The following RREB1 variants were observed in gnomAD, a reference collection of about 807,000 sequenced individuals.
RREB1 encodes ras responsive element binding protein 1, also known as ras-responsive element-binding protein 1.
In RREB1, 27 loss-of-function variants were observed where a neutral mutation model predicts 117.8. The ratio of observed to expected loss-of-function variants is 0.23; its 90% CI spans 0.17 to 0.32. The LOEUF (loss-of-function observed/expected upper bound fraction) is 0.32. Ranked by LOEUF, RREB1 falls within the 10% of genes least tolerant of loss-of-function variation. The pLI, the probability that RREB1 is intolerant of heterozygous loss-of-function variation, is 1.00. For missense variants in RREB1, 2,577 were observed against 2,378.2 expected (o/e 1.08, Z -1.74); for synonymous variants, 1,298 against 1,026.7 (o/e 1.26, Z -5.05).
chr6:7,211,337 CAGATGGATGGATGGATGGAT>C (rs1766582097), intron 7 of RREB1, among the ~76,000 whole-genome samples: 1 of 54,696 alleles, frequency 1.8e-5, no homozygotes, highest in East Asian at 4.3e-4. Context: ...GATGGATGGA[CAGATGGATGGATGGATGGAT>C]GGATGGATGG....
rs1334205838 is a variant in RREB1 at position 7,229,875 on chromosome 6, G to A, written c.1776G>A (p.Met592Ile). The A allele has an allele frequency of 1.2e-6, 2 of 1,610,786 alleles. No individual in the cohort carries two copies. The highest frequency in any genetic ancestry group is 2.2e-5 in the East Asian group (1 of 44,800). ...PRAELPGQPEMKTQLEQDSII... is the reference protein window; with the variant it reads ...PRAELPGQPEIKTQLEQDSII... ...CGGAGCTGCCGGGCCAGCCTGAGAT[G>A]AAGACGCAGCTGGAGCAGGACAGCA... Residue 592 changes from methionine (M) to isoleucine (I), a missense_variant, in exon 10 of 13, where the codon ATG (methionine) becomes ATA (isoleucine). Coordinates refer to ENST00000379938, the MANE Select transcript of RREB1 (RefSeq NM_001003699.4). This position sits in a 1 kb window ranked among gnomAD's most constrained non-coding sequence, Gnocchi z 4.5.
chr6:7,138,580 T>C (rs373329066), intron 1 of RREB1, among the ~76,000 whole-genome samples: 6 of 152,356 alleles, frequency 3.9e-5, no homozygotes, highest in Middle Eastern at 6.8e-3. Context: ...AAAGCTCTTA[T>C]AGATTTATGT....
chr6:7,144,964 A>G (rs1247636576), intron 1 of RREB1, among the ~76,000 whole-genome samples: 1 of 152,226 alleles, frequency 6.6e-6, no homozygotes, highest in Non-Finnish European at 1.5e-5. Context: ...TTTTTATAAA[A>G]TTGCGACATA....
intron 1 of RREB1, among the ~76,000 whole-genome samples, chr6:7,146,021 C>G (rs1481319152): frequency 2.0e-5 from 3 of 151,830 alleles, no homozygotes; most frequent in African/African-American, 2.4e-5. Flanking sequence ...CTCCGTATCC[C>G]TCTCCTTCCT....
rs1762960867 is a variant in RREB1, at chr6:7,148,247, C to T, written c.-284-28408C>T. Among the ~76,000 whole-genome samples, 4 of 152,108 alleles carry T rather than the reference C, an allele frequency of 2.6e-5. No individual in the cohort carries two copies. The South Asian group carries it at 8.3e-4, about 32-fold the overall frequency. ...ATTTATTCTTACTGTAGATACAGCC[C>T]TGGCCACCTTGTCTCACATTTTCCA... On this transcript the variant is annotated intron_variant, in intron 1 of 12. Transcript: ENST00000379938.
At chr6:7,115,510 G>A (rs943965403) in intron 1 of RREB1, among the ~76,000 whole-genome samples, 3 of 152,116 alleles carry the variant, frequency 2.0e-5, no homozygotes, top group African/African-American at 7.2e-5. Flanking sequence ...TTATAGACAT[G>A]TGCAATACTT....
intron 1 of RREB1, among the ~76,000 whole-genome samples, chr6:7,128,399 CT>C (rs1161692422): frequency 6.6e-6 from 1 of 152,008 alleles, no homozygotes; most frequent in Non-Finnish European, 1.5e-5. Context: ...TCTGAAAGTG[CT>C]GCTTTTAGTG....
chr6:7,114,974 G>A (rs2113289568), intron 1 of RREB1, among the ~76,000 whole-genome samples: 1 of 144,852 alleles, frequency 6.9e-6, no homozygotes, highest in Non-Finnish European at 1.5e-5. Context: ...CATGTTCTAA[G>A]TTATGTGGAG....
At chr6:7,140,368 G>C (rs1343898062) in intron 1 of RREB1, among the ~76,000 whole-genome samples, 1 of 152,234 alleles carries the variant, frequency 6.6e-6, no homozygotes, top group East Asian at 1.9e-4. Context: ...GAATTTTATA[G>C]GGATATCCTT....
chr6:7,110,211 A>T (rs1447136062), intron 1 of RREB1, among the ~76,000 whole-genome samples: 2 of 152,228 alleles, frequency 1.3e-5, no homozygotes, highest in African/African-American at 4.8e-5. Context: ...CTGCCAAGAA[A>T]AGAATGTGGT....
intron 1 of RREB1, among the ~76,000 whole-genome samples, chr6:7,125,492 T>A (rs1271318652): frequency 6.6e-6 from 1 of 152,194 alleles, no homozygotes; most frequent in Non-Finnish European, 1.5e-5. Flanking sequence ...GGGCACCACT[T>A]TTAACCTCCC....
At chr6:7,220,020 C>G (rs1037042361) in intron 8 of RREB1, among the ~76,000 whole-genome samples, 7 of 152,188 alleles carry the variant, frequency 4.6e-5, no homozygotes, top group African/African-American at 1.7e-4. Context: ...CACCCCAACA[C>G]CACAGCCCCC....
At chr6:7,210,031 T>C (rs1322053406) in intron 6 of RREB1, among the ~76,000 whole-genome samples, 1 of 152,264 alleles carries the variant, frequency 6.6e-6, no homozygotes, top group Non-Finnish European at 1.5e-5. Flanking sequence ...CTGTATATCT[T>C]GGGACCTTGT....
chr6:7,178,102 C>T (rs1189333611), intron 2 of RREB1, among the ~76,000 whole-genome samples: 1 of 152,024 alleles, frequency 6.6e-6, no homozygotes, highest in African/African-American at 2.4e-5. Flanking sequence ...TCAAGCCATC[C>T]TCCCACCTCA....
chr6:7,140,607 C>G (rs1355332706), intron 1 of RREB1: 1 of 152,218 alleles, frequency 6.6e-6, no homozygotes, highest in Non-Finnish European at 1.5e-5. Flanking sequence ...TGAGAAATTA[C>G]TGACAAAAAT....
intron 1 of RREB1, among the ~76,000 whole-genome samples, chr6:7,143,980 G>A (rs970495840): frequency 1.4e-5 from 2 of 142,176 alleles, no homozygotes; most frequent in African/African-American, 5.2e-5. Flanking sequence ...GTTTTAATTT[G>A]CTCAAACTGT....
chr6:7,218,311 C>T (rs1244565243), intron 8 of RREB1: 1 of 152,182 alleles, frequency 6.6e-6, no homozygotes, highest in Non-Finnish European at 1.5e-5. Context: ...GAAGAGAGCC[C>T]AAGGAAGCAC....
chr6:7,241,747 T>TG (rs1195219875), intron 11 of RREB1, among the ~76,000 whole-genome samples: 3 of 152,186 alleles, frequency 2.0e-5, no homozygotes, highest in Non-Finnish European at 4.4e-5. Context: ...TGAAACCAAC[T>TG]GTGAGTGCTC....
intron 11 of RREB1, among the ~76,000 whole-genome samples, chr6:7,241,269 C>G (rs927256120): frequency 6.6e-6 from 1 of 152,132 alleles, no homozygotes; most frequent in Non-Finnish European, 1.5e-5. Context: ...CCTTGTTTCC[C>G]TTATAGTTTC....
Sources: allele counts gnomAD v4.1 joint callset (sites outside exome capture counted in the v4.1 genomes callset), GRCh38; gene constraint gnomAD v4.1.1; non-coding constraint Gnocchi (gnomAD v3.1); transcripts MANE v1.5; gene names NCBI Gene and HGNC (gene_info 2026-07-23, HGNC 2026-07-21).